Variants in TSPAN12 observed in about 807,000 individuals in gnomAD.
TSPAN12 encodes tetraspanin-12.
In TSPAN12, 19 loss-of-function variants were observed where a neutral mutation model predicts 39.2. The observed-to-expected ratio is 0.49, with a 90% confidence interval of 0.34 to 0.71. The LOEUF (loss-of-function observed/expected upper bound fraction) is 0.71. Among genes scored for constraint, TSPAN12 ranks in the 30% least tolerant of loss-of-function variants. TSPAN12 has a pLI of 0.01. For missense variants in TSPAN12, 314 were observed against 359.9 expected (o/e 0.87, Z 1.03); for synonymous variants, 119 against 124.8 (o/e 0.95, Z 0.31).
chr7:120,803,844 T>C (rs1040157663), intron 7 of TSPAN12, among the ~76,000 whole-genome samples: 1 of 152,162 alleles, frequency 6.6e-6, no homozygotes, highest in Non-Finnish European at 1.5e-5. Context: ...AAAGCATCCC[T>C]TTATAAAGTA....
At chr7:120,810,420 C>T in intron 6 of TSPAN12, 43 bp downstream of exon 6, 1 of 1,224,014 alleles carries the variant, frequency 8.2e-7, no homozygotes, top group Non-Finnish European at 1.2e-6. Context: ...TGAAGGTGCA[C>T]CACTTACTTC....
chr7:120,852,855 A>G (rs185798949), intron 2 of TSPAN12, among the ~76,000 whole-genome samples: 1,644 of 150,076 alleles, frequency 0.011, 13 homozygotes, highest in African/African-American at 0.028. Flanking sequence ...ATCTAAAAAA[A>G]AGAGAGAGAG....
At chr7:120,810,370 C>T in intron 6 of TSPAN12, 93 bp downstream of exon 6, 1 of 834,858 alleles carries the variant, frequency 1.2e-6, no homozygotes. Context: ...TTTTTCAGCA[C>T]AGAGGAAATT....
intron 7 of TSPAN12, among the ~76,000 whole-genome samples, chr7:120,799,624 ATAAT>A (rs1248568638): frequency 5.9e-5 from 7 of 119,192 alleles, no homozygotes; most frequent in East Asian, 2.2e-4. Flanking sequence ...ATAATTAAAT[ATAAT>A]TATTATATAT....
At chr7:120,822,527 C>A (rs992100165) in intron 4 of TSPAN12, among the ~76,000 whole-genome samples, 4 of 152,088 alleles carry the variant, frequency 2.6e-5, no homozygotes, top group Non-Finnish European at 5.9e-5. Flanking sequence ...TGGAAAAGTG[C>A]AAAGCAGAGA....
In TSPAN12 at chr7:120,788,311, C is replaced by T. The variant is rs879246487; in HGVS notation, c.*281G>A. The T allele has an allele frequency of 2.3e-6, 1 of 438,742 alleles. No individual in the cohort carries two copies. Among genetic ancestry groups the T allele is most frequent in the South Asian group, 2.3e-5 (1 of 43,424 alleles). The allele number at this position is 438,742 out of a possible 1,614,324, so 27.2% of individuals were successfully genotyped here. Reference sequence around the variant, plus strand: ...ATGCGGAAATGCTAATCAAACCATGCTGCCTCAAAACATAACTGTGTTCAG... The same window carrying T: ...ATGCGGAAATGCTAATCAAACCATGTTGCCTCAAAACATAACTGTGTTCAG... On this transcript the variant is annotated 3_prime_UTR_variant, in exon 8 of 8. Transcript: ENST00000222747.
chr7:120,838,391 C>T (rs889381671), intron 4 of TSPAN12, among the ~76,000 whole-genome samples: 3 of 152,120 alleles, frequency 2.0e-5, no homozygotes, highest in Non-Finnish European at 4.4e-5. Context: ...TACCTCACAA[C>T]CTGAATTTCC....
rs187421297 is a variant in TSPAN12, at chr7:120,821,408, C to T, written c.286-5605G>A. Among the ~76,000 whole-genome samples, 45 of 146,466 alleles carry T rather than the reference C, an allele frequency of 3.1e-4. No individual in the cohort carries two copies. The East Asian group carries it at 8.1e-3, about 26-fold the overall frequency. ...ATAGAAGATTAAATAAAACAATGTA[C>T]GTGAAATTGTCTTGTTGACTTAAAA... On this transcript the variant is annotated intron_variant, in intron 4 of 7. Transcript: ENST00000222747.
chr7:120,819,232 G>A (rs924112875), intron 4 of TSPAN12, among the ~76,000 whole-genome samples: 4 of 152,106 alleles, frequency 2.6e-5, no homozygotes, highest in South Asian at 2.1e-4. Context: ...AAAGAAAACA[G>A]GAAATGCCCT....
At chr7:120,824,931 A>G (rs1159065190) in intron 4 of TSPAN12, among the ~76,000 whole-genome samples, 1 of 152,214 alleles carries the variant, frequency 6.6e-6, no homozygotes, top group East Asian at 1.9e-4. Context: ...TAGAGAAAAT[A>G]TACTCTCTAC....
chr7:120,792,499 C>T (rs1026057158), intron 7 of TSPAN12, among the ~76,000 whole-genome samples: 2 of 136,394 alleles, frequency 1.5e-5, no homozygotes, highest in African/African-American at 5.6e-5. Context: ...ATGAATAGGG[C>T]TGTGCTTAGG....
intron 7 of TSPAN12, among the ~76,000 whole-genome samples, chr7:120,801,278 C>T (rs1046464538): frequency 6.6e-6 from 1 of 152,150 alleles, no homozygotes; most frequent in African/African-American, 2.4e-5. Context: ...AACGTCACAT[C>T]CCTTCAAAAT....
chr7:120,791,966 CA>C (rs1186035276), intron 7 of TSPAN12, among the ~76,000 whole-genome samples: 1 of 152,130 alleles, frequency 6.6e-6, no homozygotes, highest in African/African-American at 2.4e-5. Context: ...CTCATATAAT[CA>C]ATGAAAACAC....
intron 4 of TSPAN12, among the ~76,000 whole-genome samples, chr7:120,820,994 G>A (rs1003712834): frequency 5.9e-5 from 9 of 151,920 alleles, no homozygotes; most frequent in African/African-American, 2.2e-4. Context: ...GAAAGAAAGG[G>A]AATAACGTGC....
At chr7:120,814,153 A>C in intron 5 of TSPAN12, 1 of 456,026 alleles carries the variant, frequency 2.2e-6, no homozygotes, top group Non-Finnish European at 4.4e-6. Context: ...GTCTCGAAGC[A>C]CAATAGTAGA....
chr7:120,836,018 ATACTTCAT>A (rs375957068), intron 4 of TSPAN12, among the ~76,000 whole-genome samples: 62 of 152,338 alleles, frequency 4.1e-4, no homozygotes, highest in Non-Finnish European at 7.3e-4. Context: ...GTGTTGGTAC[ATACTTCAT>A]TACCCAATAG....
At chr7:120,837,687 G>A (rs965281536) in intron 4 of TSPAN12, among the ~76,000 whole-genome samples, 20 of 152,280 alleles carry the variant, frequency 1.3e-4, no homozygotes, top group Admixed American at 8.5e-4. Flanking sequence ...AAGAAGCTAA[G>A]TAATACATTA....
intron 5 of TSPAN12, among the ~76,000 whole-genome samples, chr7:120,812,324 T>C (rs1260964198): frequency 6.6e-6 from 1 of 152,042 alleles, no homozygotes; most frequent in East Asian, 1.9e-4. Context: ...ACACACACAG[T>C]ATTAAGGCAA....
intron 1 of TSPAN12, 194 bp from the exon 2 acceptor site, chr7:120,857,027 T>C (rs1794885483): frequency 3.6e-6 from 2 of 558,422 alleles, no homozygotes; most frequent in Non-Finnish European, 6.4e-6. Context: ...CCAAACCGGC[T>C]TCAGATAACA....
Sources: gnomAD v4.1 joint callset for allele counts (sites outside exome capture counted in the v4.1 genomes callset) on GRCh38, gnomAD v4.1.1 for gene constraint, MANE v1.5 for transcripts, NCBI Gene and HGNC (gene_info 2026-07-23, HGNC 2026-07-21) for gene names.